GRM7: variants seen among roughly 807,000 people sequenced by gnomAD.
The protein encoded by GRM7 is metabotropic glutamate receptor 7.
In GRM7, 35 loss-of-function variants were observed where a neutral mutation model predicts 84.5. That is an observed-to-expected ratio of 0.41 (90% CI 0.32 to 0.55). GRM7 has a LOEUF of 0.55. Ranked by LOEUF, GRM7 falls within the 20% of genes least tolerant of loss-of-function variation. GRM7 has a pLI of 0.19. For synonymous variants in GRM7, 487 were observed against 455.1 expected (o/e 1.07, Z -0.89); for missense variants, 1,003 against 1,194.6 (o/e 0.84, Z 2.36).
rs929624964 is a variant in GRM7, at chr3:7,650,795, G to A, written c.2452-29254G>A. 2.0e-5 allele frequency among the ~76,000 whole-genome samples: 3 copies of A among 152,304 alleles called. No homozygotes were observed. In the East Asian group the frequency reaches 5.8e-4, roughly 29 times the overall value. Reference sequence around the variant, plus strand: ...TGCAGTGGCACAATCTCGGCTGACTGCAACCTTAGCCTCCTGGCTCCAAGA... The same window carrying A: ...TGCAGTGGCACAATCTCGGCTGACTACAACCTTAGCCTCCTGGCTCCAAGA... On this transcript the variant is annotated intron_variant, in intron 8 of 9. Transcript: ENST00000357716.
chr3:7,260,673 T>TTGTGTGTGTGTG (rs71063292), intron 2 of GRM7, among the ~76,000 whole-genome samples: 9,487 of 144,402 alleles, frequency 0.066, 408 homozygotes, highest in Admixed American at 0.11. Flanking sequence ...TTCTTTTGAA[T>TTGTGTGTGTGTG]TGTGTGTGTG....
chr3:6,868,394 T>C (rs1191472425), intron 1 of GRM7, among the ~76,000 whole-genome samples: 1 of 152,214 alleles, frequency 6.6e-6, no homozygotes, highest in East Asian at 1.9e-4. Context: ...TACAGAAATA[T>C]ATGTTTTATT....
chr3:7,450,588 A>G (rs776792742), intron 5 of GRM7, among the ~76,000 whole-genome samples: 2 of 152,192 alleles, frequency 1.3e-5, no homozygotes, highest in Non-Finnish European at 2.9e-5. Context: ...TAACAGTATC[A>G]TTAAGAACCA....
At chr3:6,982,613 A>T in intron 1 of GRM7, among the ~76,000 whole-genome samples, 1 of 146,304 alleles carries the variant, frequency 6.8e-6, no homozygotes, top group Non-Finnish European at 1.5e-5. Flanking sequence ...AACTCAAAAG[A>T]AAAAAAAAAA....
chr3:7,304,717 C>T (rs1700128847), intron 3 of GRM7, among the ~76,000 whole-genome samples: 2 of 151,940 alleles, frequency 1.3e-5, no homozygotes, highest in African/African-American at 4.8e-5. Flanking sequence ...ATTTTCATTT[C>T]ATATTTTCAA....
chr3:7,160,755 G>A (rs1377166420), intron 2 of GRM7, among the ~76,000 whole-genome samples: 1 of 152,078 alleles, frequency 6.6e-6, no homozygotes, highest in African/African-American at 2.4e-5. Context: ...ATCTGGGATG[G>A]TCCCTTTCCC....
chr3:7,096,151 C>A (rs544924562), intron 1 of GRM7, among the ~76,000 whole-genome samples: 84 of 152,166 alleles, frequency 5.5e-4, no homozygotes, highest in African/African-American at 1.8e-3. Context: ...TAACTCAAGC[C>A]AGTTTGCTCC....
chr3:6,981,347 T>A (rs1209999637), intron 1 of GRM7, among the ~76,000 whole-genome samples: 1 of 152,154 alleles, frequency 6.6e-6, no homozygotes, highest in Non-Finnish European at 1.5e-5. Context: ...GGTGTTGATG[T>A]TTTTTGCCAG....
At chr3:7,569,523 T>A (rs1694533023) in intron 7 of GRM7, among the ~76,000 whole-genome samples, 2 of 152,108 alleles carry the variant, frequency 1.3e-5, no homozygotes, top group South Asian at 2.1e-4. Flanking sequence ...TGGGGCCAGA[T>A]AAGAATAAAA....
At chr3:7,445,285 C>A (rs1162990006) in intron 5 of GRM7, among the ~76,000 whole-genome samples, 1 of 152,122 alleles carries the variant, frequency 6.6e-6, no homozygotes, top group East Asian at 1.9e-4. Context: ...TCCCTTTTCC[C>A]TGTGTGGATA....
chr3:7,110,794 T>C (rs1025661241), intron 1 of GRM7, among the ~76,000 whole-genome samples: 6 of 152,098 alleles, frequency 3.9e-5, no homozygotes, highest in East Asian at 3.9e-4. Flanking sequence ...GGGAGAAGAA[T>C]GTGTAAATTA....
At chr3:7,443,718 T>C (rs1211061361) in intron 5 of GRM7, among the ~76,000 whole-genome samples, 2 of 152,174 alleles carry the variant, frequency 1.3e-5, no homozygotes, top group Admixed American at 6.6e-5. Flanking sequence ...CTTGGTGGTA[T>C]ACATTTAGTA....
At chr3:7,340,366 G>T (rs933481814) in intron 4 of GRM7, among the ~76,000 whole-genome samples, 1 of 152,136 alleles carries the variant, frequency 6.6e-6, no homozygotes. Context: ...TACAATCATG[G>T]CAGAAGGGGA....
chr3:7,725,861 A>C (rs529727516), intron 9 of GRM7, among the ~76,000 whole-genome samples: 84 of 152,320 alleles, frequency 5.5e-4, no homozygotes, highest in African/African-American at 1.9e-3. Context: ...TAAAAGCTAA[A>C]GTTATAAAAC....
At chr3:7,677,066 C>T (rs529510001) in intron 8 of GRM7, among the ~76,000 whole-genome samples, 6 of 151,958 alleles carry the variant, frequency 3.9e-5, no homozygotes, top group Admixed American at 2.6e-4. Flanking sequence ...TCAAGACCAT[C>T]CTGGCTAACA....
At position 7,625,483 on chromosome 3, in the gene GRM7, T is replaced by G. The variant is rs1434748304; in HGVS notation, c.2451+46126T>G. Reference sequence around the variant, plus strand: ...AAATTGAGTCTCAGAAGTGGTTTGCTAAGAATTGCCCAACTCATGAGTCAA... The same window carrying G: ...AAATTGAGTCTCAGAAGTGGTTTGCGAAGAATTGCCCAACTCATGAGTCAA... On this transcript the variant is annotated intron_variant, in intron 8 of 9. Coordinates refer to ENST00000357716, the MANE Select transcript of GRM7 (RefSeq NM_000844.4). Among the ~76,000 whole-genome samples the G allele has an allele frequency of 3.3e-5, 5 of 152,218 alleles. No individual in the cohort carries two copies. In the South Asian group the frequency reaches 8.3e-4, roughly 25 times the overall value.
At chr3:7,589,507 G>A (rs1434892997) in intron 8 of GRM7, among the ~76,000 whole-genome samples, 2 of 152,140 alleles carry the variant, frequency 1.3e-5, no homozygotes, top group Non-Finnish European at 2.9e-5. Context: ...TTGACAATAT[G>A]GCAACAGTGA....
intron 8 of GRM7, among the ~76,000 whole-genome samples, chr3:7,656,418 C>T (rs1046285661): frequency 1.6e-4 from 25 of 152,026 alleles, no homozygotes; most frequent in African/African-American, 5.8e-4. Context: ...ATCACTTGAA[C>T]CCAGGAGGTG....
chr3:7,212,181 G>A (rs1193174145), intron 2 of GRM7, among the ~76,000 whole-genome samples: 9 of 142,580 alleles, frequency 6.3e-5, no homozygotes, highest in Non-Finnish European at 1.4e-4. Context: ...TTTGGCTTCT[G>A]TCATTCCTTT....
Sources: gnomAD v4.1 joint callset for allele counts (sites outside exome capture counted in the v4.1 genomes callset) on GRCh38, gnomAD v4.1.1 for gene constraint, MANE v1.5 for transcripts, NCBI Gene and HGNC (gene_info 2026-07-23, HGNC 2026-07-21) for gene names.